SERPINA9: variants seen among roughly 807,000 people sequenced by gnomAD.
SERPINA9 encodes the protein serpin family A member 9, also known as serpin A9.
In SERPINA9, 32 loss-of-function variants were observed where a neutral mutation model predicts 24.5. The observed-to-expected ratio is 1.30, with a 90% CI of 0.98 to 1.75. SERPINA9 has a LOEUF of 1.75. Ranked by LOEUF, SERPINA9 falls within the 40% of genes most tolerant of loss-of-function variation. SERPINA9 has a pLI of 0.00. For missense variants in SERPINA9, 594 were observed against 497.1 expected (o/e 1.19, Z -1.85); for synonymous variants, 233 against 197.7 (o/e 1.18, Z -1.50).
intron 1 of SERPINA9, chr14:94,470,282 A>G: frequency 8.1e-6 from 7 of 862,558 alleles, no homozygotes; most frequent in Non-Finnish European, 9.8e-6. Flanking sequence ...TTCTTTATCC[A>G]TTTTGTGTAG....
intron 1 of SERPINA9, among the ~76,000 whole-genome samples, chr14:94,475,322 A>C (rs576547817): frequency 1.3e-5 from 2 of 152,156 alleles, no homozygotes; most frequent in African/African-American, 4.8e-5. Context: ...TTCAGGGAAA[A>C]GCTTCACCTT....
chr14:94,464,606 T>C, intron 4 of SERPINA9, 101 bp downstream of exon 4: 1 of 1,043,090 alleles, frequency 9.6e-7, no homozygotes, highest in Non-Finnish European at 1.4e-6. Flanking sequence ...TGACTTCACC[T>C]TTCAGGCCTC....
intron 3 of SERPINA9, 144 bp downstream of exon 3, chr14:94,466,965 C>A (rs1899030427): frequency 1.2e-6 from 1 of 838,074 alleles, no homozygotes; most frequent in South Asian, 1.8e-5. Flanking sequence ...CATGTATAGA[C>A]AGCCCCAGGC....
intron 4 of SERPINA9, 136 bp downstream of exon 4, chr14:94,464,571 C>T (rs776849049): frequency 2.6e-5 from 18 of 696,770 alleles, no homozygotes; most frequent in Middle Eastern, 3.8e-4. Context: ...CCGCAAGATT[C>T]GGTTCTTCTG....
Position 94,462,807 on chromosome 14 carries a change from C to A in SERPINA9, c.*286G>T, listed in dbSNP as rs1263030210. 3.5e-5 allele frequency: 14 copies of A among 402,038 alleles called. No individual in the cohort carries two copies. The highest frequency in any genetic ancestry group is 6.0e-5 in the Non-Finnish European group (13 of 217,406). 24.9% of individuals were successfully genotyped at this position (402,038 alleles called of 1,614,324 possible). On this transcript the variant is annotated 3_prime_UTR_variant, in exon 5 of 5. Transcript: ENST00000674397. Reference sequence around the variant, plus strand: ...TGCCTAACCTGGGTTGGCGTATTTCCATTCCTGGGAGCCCCAAGGAATGGA... The same window carrying A: ...TGCCTAACCTGGGTTGGCGTATTTCAATTCCTGGGAGCCCCAAGGAATGGA...
chr14:94,465,782 G>T (rs1898974960), intron 3 of SERPINA9, among the ~76,000 whole-genome samples: 3 of 152,112 alleles, frequency 2.0e-5, no homozygotes, highest in Admixed American at 1.3e-4. Context: ...ACCCGCCTCG[G>T]CTTCCCAAAG....
In SERPINA9 at chr14:94,467,315, C is replaced by T. The variant is rs1292003354; in HGVS notation, c.696G>A (p.Gln232=). The change falls in exon 3 of 5, where the codon CAG becomes CAA. Residue 232 remains glutamine (Q), a synonymous_variant. Coordinates refer to ENST00000674397, the MANE Select transcript of SERPINA9 (RefSeq NM_175739.4). The part of the protein sequence containing the change: ...RKNFPFLVGE[Q]VTVHVPMMHQ... ...GCATCATGGGGACATGCACAGTGAC[C>T]TGCTCGCCCACCAGGAATGGGAAGT... The T allele has an allele frequency of 3.7e-6, 6 of 1,614,070 alleles. No individual in the cohort carries two copies. In the African/African-American group the frequency reaches 5.3e-5, roughly 14 times the overall value.
Position 94,463,142 on chromosome 14 carries a change from G to A in SERPINA9, c.1205C>T (p.Thr402Ile). 1 of 1,614,200 alleles carries A rather than the reference G, an allele frequency of 6.2e-7. No homozygotes were observed. ...TFLMMITNKATDGILFLGKVE... is the reference protein window; with the variant it reads ...TFLMMITNKAIDGILFLGKVE... ...TTTCCCTAGAAAGAGAATACCGTCTGTGGCTTTATTTGTAATCATCATCAG... is the reference window on the plus strand; with the variant it reads ...TTTCCCTAGAAAGAGAATACCGTCTATGGCTTTATTTGTAATCATCATCAG... The change falls in exon 5 of 5, where the codon ACA becomes ATA. Residue 402 changes from threonine to isoleucine, a missense_variant. By Grantham distance (89) the Thr-to-Ile change is moderately conservative (BLOSUM62 -1). Coordinates refer to ENST00000674397, the MANE Select transcript of SERPINA9 (RefSeq NM_175739.4).
chr14:94,464,909 T>C, intron 3 of SERPINA9, 55 bp from the exon 4 acceptor site: 1 of 1,488,962 alleles, frequency 6.7e-7, no homozygotes, highest in African/African-American at 1.4e-5. Flanking sequence ...TGTCTGCATC[T>C]CTGCTCCTAG....
intron 4 of SERPINA9, 137 bp downstream of exon 4, chr14:94,464,570 T>A (rs929551799): frequency 1.4e-6 from 1 of 693,374 alleles, no homozygotes; most frequent in Admixed American, 2.8e-5. Flanking sequence ...GCCGCAAGAT[T>A]CGGTTCTTCT....
chr14:94,466,985 T>C lies in SERPINA9; in HGVS notation c.902+124A>G, dbSNP rs1419302589. The C allele has an allele frequency of 2.8e-6, 3 of 1,080,744 alleles. No homozygotes were observed. The East Asian group carries it at 7.3e-5, about 26-fold the overall frequency. The allele number at this position is 1,080,744 out of a possible 1,614,324, so 66.9% of individuals were successfully genotyped here. ...ATAGACAGCCCCAGGCTCTCTGTCC[T>C]GCATGCAGTTGGTGCTCACTGTGCA... On this transcript the variant is annotated intron_variant, in intron 3 of 4. Transcript: ENST00000674397.
intron 1 of SERPINA9, among the ~76,000 whole-genome samples, chr14:94,474,888 G>A (rs1899506972): frequency 1.3e-5 from 2 of 152,060 alleles, no homozygotes; most frequent in Non-Finnish European, 2.9e-5. Flanking sequence ...CTGATCTGGT[G>A]TATCACTCAC....
intron 1 of SERPINA9, among the ~76,000 whole-genome samples, chr14:94,472,045 G>A (rs1899346651): frequency 6.6e-6 from 1 of 152,198 alleles, no homozygotes; most frequent in African/African-American, 2.4e-5. Flanking sequence ...CTGGGAGATA[G>A]AAGTGTTGGG....
At chr14:94,473,984 G>T (rs893613347) in intron 1 of SERPINA9, among the ~76,000 whole-genome samples, 1 of 152,266 alleles carries the variant, frequency 6.6e-6, no homozygotes, top group Admixed American at 6.5e-5. Context: ...GTGGGCAGGA[G>T]ACCAAAGCTG....
rs559204516 is a variant in SERPINA9 at position 94,473,986 on chromosome 14, C to A, written c.-18+2150G>T. ...CATCCAGCCCATGGTGGGCAGGAGA[C>A]CAAAGCTGCATCTCTCTTGTGGCTC... On this transcript the variant is annotated intron_variant, in intron 1 of 4. Coordinates refer to ENST00000674397, the MANE Select transcript of SERPINA9 (RefSeq NM_175739.4). Among the ~76,000 whole-genome samples the A allele has an allele frequency of 3.3e-5, 5 of 152,350 alleles. No homozygotes were observed. The South Asian group carries it at 6.2e-4, about 19-fold the overall frequency.
At chr14:94,472,155 C>T (rs765218566) in intron 1 of SERPINA9, among the ~76,000 whole-genome samples, 5 of 152,216 alleles carry the variant, frequency 3.3e-5, no homozygotes, top group South Asian at 2.1e-4. Flanking sequence ...CCCCTCTCTT[C>T]GGCCCCACTG....
chr14:94,473,670 T>G (rs1899436923), intron 1 of SERPINA9, among the ~76,000 whole-genome samples: 1 of 151,660 alleles, frequency 6.6e-6, no homozygotes, highest in East Asian at 1.9e-4. Context: ...CGTGTAAGAG[T>G]GTGGCATCTG....
intron 2 of SERPINA9, 152 bp from the exon 3 acceptor site, chr14:94,467,534 C>G: frequency 1.6e-6 from 1 of 632,918 alleles, no homozygotes. Flanking sequence ...GGAGTAGTTG[C>G]CCAAACTTGT....
chr14:94,466,763 T>C (rs963108769), intron 3 of SERPINA9, among the ~76,000 whole-genome samples: 2 of 152,216 alleles, frequency 1.3e-5, no homozygotes, highest in Non-Finnish European at 2.9e-5. Flanking sequence ...ACCAATGCTT[T>C]TGTTTGCTAG....
Sources: allele counts gnomAD v4.1 joint callset (sites outside exome capture counted in the v4.1 genomes callset), GRCh38; gene constraint gnomAD v4.1.1; transcripts MANE v1.5; gene names NCBI Gene and HGNC (gene_info 2026-07-23, HGNC 2026-07-21).